Variants in E2F3 observed in about 807,000 individuals in gnomAD.
E2F3 encodes transcription factor E2F3.
E2F3 carries 11 observed loss-of-function variants against 44.4 expected under a neutral mutation model. That is an observed-to-expected ratio of 0.25 (90% CI 0.16 to 0.41). The LOEUF (loss-of-function observed/expected upper bound fraction) is 0.41. Among genes scored for constraint, E2F3 ranks in the 10% least tolerant of loss-of-function variants. The pLI is 1.00. For synonymous variants in E2F3, 249 were observed against 253.0 expected (o/e 0.98, Z 0.15); for missense variants, 487 against 583.6 (o/e 0.83, Z 1.70).
At chr6:20,431,137 G>A (rs1042241494) in intron 1 of E2F3, among the ~76,000 whole-genome samples, 11 of 152,072 alleles carry the variant, frequency 7.2e-5, no homozygotes, top group African/African-American at 2.2e-4. Flanking sequence ...TGAGCATGCC[G>A]GAGACACGGT....
intron 1 of E2F3, among the ~76,000 whole-genome samples, chr6:20,436,452 A>AACACACACACACACACACACACAC (rs765678025): frequency 6.8e-6 from 1 of 146,230 alleles, no homozygotes; most frequent in Admixed American, 6.9e-5. Flanking sequence ...TGAGCTAGGA[A>AACACACACACACACACACACACAC]ACACACACAC....
Position 20,481,233 on chromosome 6 carries a change from G to A in E2F3, c.533G>A (p.Arg178Gln). 1 of 1,613,968 alleles carries A rather than the reference G, an allele frequency of 6.2e-7. No homozygotes were observed. Among genetic ancestry groups the A allele is most frequent in the Non-Finnish European group, 8.5e-7 (1 of 1,179,964 alleles). Residue 178 changes from arginine (R) to glutamine (Q), a missense_variant, in exon 3 of 7, where the codon CGG (arginine) becomes CAG (glutamine). Arg to Gln is a conservative substitution (Grantham distance 43). Around this residue, in one of 3 missense-constraint regions of E2F3, gnomAD observed 29 missense variants for 85.9 expected, o/e 0.34. Coordinates refer to ENST00000346618, the MANE Select transcript of E2F3 (RefSeq NM_001949.5). ...CCAAAATCTCCCTCAGAAAAAACGC[G>A]GTATGATACGTCTCTTGGTCTGCTC... Reference protein sequence around the residue: ...KTPKSPSEKTRYDTSLGLLTK... With the variant: ...KTPKSPSEKTQYDTSLGLLTK...
At chr6:20,446,284 A>G (rs1760942431) in intron 1 of E2F3, among the ~76,000 whole-genome samples, 1 of 152,224 alleles carries the variant, frequency 6.6e-6, no homozygotes, top group Non-Finnish European at 1.5e-5. Flanking sequence ...CATCTGACTT[A>G]AAAGTCCAGG....
Position 20,406,319 on chromosome 6 carries a change from T to C in E2F3, c.393+3694T>C, listed in dbSNP as rs538801304. On this transcript the variant is annotated intron_variant, in intron 1 of 6. Transcript: ENST00000346618. ...ATAGGGACAAAAACAGTGTCACCTTTAAGGTTCTTTTGAAGAGTTAAATAT... is the reference window on the plus strand; with the variant it reads ...ATAGGGACAAAAACAGTGTCACCTTCAAGGTTCTTTTGAAGAGTTAAATAT... Among the ~76,000 whole-genome samples the C allele has an allele frequency of 6.6e-5, 10 of 152,356 alleles. No individual in the cohort carries two copies. The South Asian group carries it at 2.1e-3, about 32-fold the overall frequency.
intron 5 of E2F3, 152 bp from the exon 6 acceptor site, chr6:20,487,961 G>A (rs1296073753): frequency 9.4e-7 from 1 of 1,067,692 alleles, no homozygotes; most frequent in Non-Finnish European, 1.3e-6. Flanking sequence ...CCCTGCTCTA[G>A]AGGATGACAG....
chr6:20,441,356 A>G (rs1355392275), intron 1 of E2F3, among the ~76,000 whole-genome samples: 1 of 152,220 alleles, frequency 6.6e-6, no homozygotes, highest in Non-Finnish European at 1.5e-5. Flanking sequence ...TTATCTCTGA[A>G]TAATATTCCA....
chr6:20,480,421 C>T (rs1367852226), intron 2 of E2F3, among the ~76,000 whole-genome samples: 1 of 152,130 alleles, frequency 6.6e-6, no homozygotes, highest in Non-Finnish European at 1.5e-5. Flanking sequence ...ATACTATTAC[C>T]GTTTCTTGTG....
At chr6:20,420,462 T>TGC (rs1759987898) in intron 1 of E2F3, among the ~76,000 whole-genome samples, 1 of 152,088 alleles carries the variant, frequency 6.6e-6, no homozygotes, top group South Asian at 2.1e-4. Flanking sequence ...TGTGTGTGTG[T>TGC]GTATAGTAAA....
chr6:20,441,396 C>T (rs1760768637), intron 1 of E2F3, among the ~76,000 whole-genome samples: 2 of 152,140 alleles, frequency 1.3e-5, no homozygotes, highest in South Asian at 2.1e-4. Flanking sequence ...TTTTGTTTAT[C>T]TTTTCATTCA....
Position 20,481,272 on chromosome 6 carries a change from T to C in E2F3, c.572T>C (p.Ile191Thr). The C allele has an allele frequency of 6.2e-7, 1 of 1,614,158 alleles. No individual in the cohort carries two copies. Among genetic ancestry groups the C allele is most frequent in the South Asian group, 1.1e-5 (1 of 91,082 alleles). Residue 191 changes from isoleucine to threonine, a missense_variant, in exon 3 of 7, where the codon ATT (isoleucine) becomes ACT (threonine). Physicochemically the swap from Ile to Thr is moderately conservative, Grantham distance 89 (BLOSUM62 -1). Transcript: ENST00000346618. Reference sequence around the variant, plus strand: ...CTTGGTCTGCTCACCAAGAAGTTCATTCAGCTCCTGAGCCAGTCACCCGAT... The same window carrying C: ...CTTGGTCTGCTCACCAAGAAGTTCACTCAGCTCCTGAGCCAGTCACCCGAT... ...TSLGLLTKKF[I>T]QLLSQSPDGV...
intron 6 of E2F3, 85 bp downstream of exon 6, chr6:20,488,333 C>T: frequency 7.0e-7 from 1 of 1,426,844 alleles, no homozygotes; most frequent in Non-Finnish European, 9.4e-7. Flanking sequence ...CAAGCCTAGG[C>T]AAGAAACACA....
intron 1 of E2F3, among the ~76,000 whole-genome samples, chr6:20,478,346 T>G (rs1002238967): frequency 1.3e-5 from 2 of 152,236 alleles, no homozygotes; most frequent in Non-Finnish European, 2.9e-5. Context: ...CGAAATTCAG[T>G]GTGTATTTTA....
At chr6:20,408,183 A>C (rs1022578782) in intron 1 of E2F3, among the ~76,000 whole-genome samples, 1 of 152,234 alleles carries the variant, frequency 6.6e-6, no homozygotes, top group Non-Finnish European at 1.5e-5. Flanking sequence ...AAATATAGGA[A>C]ACCACTAATA....
chr6:20,477,998 C>G (rs960339065), intron 1 of E2F3, among the ~76,000 whole-genome samples: 4 of 151,582 alleles, frequency 2.6e-5, no homozygotes, highest in African/African-American at 9.7e-5. Context: ...TCAACACCAG[C>G]CTGGGCAACA....
intron 1 of E2F3, among the ~76,000 whole-genome samples, chr6:20,420,495 T>G (rs1759989423): frequency 6.6e-6 from 1 of 151,984 alleles, no homozygotes; most frequent in Non-Finnish European, 1.5e-5. Context: ...TCAGAGATAT[T>G]GCAGGTCTGA....
rs933492725 is a variant in E2F3 at position 20,402,707 on chromosome 6, C to A, written c.393+82C>A. 3.9e-6 allele frequency: 5 copies of A among 1,271,960 alleles called. No individual in the cohort carries two copies. The African/African-American group carries it at 7.8e-5, about 20-fold the overall frequency. 78.8% of individuals were successfully genotyped at this position (1,271,960 alleles called of 1,614,324 possible). ...GCGGGGTCGTGGGCGCGCTGCGGGC[C>A]GCTCGGGGAGAGCACTGGGCCGAGC... On this transcript the variant is annotated intron_variant, in intron 1 of 6. Transcript: ENST00000346618. The surrounding 1 kb of genome is among the most constrained non-coding windows in gnomAD (Gnocchi z 5.6).
In E2F3 at chr6:20,441,541, C is replaced by T. The variant is rs184797134; in HGVS notation, c.394-38305C>T. 1.8e-4 allele frequency among the ~76,000 whole-genome samples: 27 copies of T among 152,034 alleles called. No homozygotes were observed. The East Asian group carries it at 5.0e-3, about 28-fold the overall frequency. On this transcript the variant is annotated intron_variant, in intron 1 of 6. Transcript: ENST00000346618. ...GGGTATATATCCAGAAGTAGAATTG[C>T]TGGTCATATGGTAATTCTGTGTTTA...
At chr6:20,407,331 T>A (rs1055553036) in intron 1 of E2F3, among the ~76,000 whole-genome samples, 1 of 152,086 alleles carries the variant, frequency 6.6e-6, no homozygotes, top group South Asian at 2.1e-4. Flanking sequence ...ACTCTAATCA[T>A]CCTCTGAAAC....
chr6:20,405,463 A>C (rs1366381487), intron 1 of E2F3, among the ~76,000 whole-genome samples: 1 of 149,536 alleles, frequency 6.7e-6, no homozygotes, highest in African/African-American at 2.5e-5. Flanking sequence ...CTCCTGCCTC[A>C]GCCTCCTGAG....
Sources: gnomAD v4.1 joint callset for allele counts (sites outside exome capture counted in the v4.1 genomes callset) on GRCh38, gnomAD v4.1.1 for gene constraint, gnomAD v4.1.1 regional missense constraint, Gnocchi (gnomAD v3.1) non-coding constraint, MANE v1.5 for transcripts, NCBI Gene and HGNC (gene_info 2026-07-23, HGNC 2026-07-21) for gene names.